Variants in CDS2 observed in about 807,000 individuals in gnomAD.
CDS2 encodes phosphatidate cytidylyltransferase 2.
A neutral mutation model predicts 59.0 loss-of-function variants in CDS2; 47 were observed. The observed-to-expected ratio is 0.80, with a 90% CI of 0.63 to 1.02. CDS2 has a LOEUF of 1.02. Among genes scored for constraint, CDS2 ranks in the 50% least tolerant of loss-of-function variants. The probability of loss-of-function intolerance (pLI) is 0.00; values close to 1 mark genes in which losing one functional copy is unlikely to be tolerated. For synonymous variants in CDS2, 207 were observed against 206.4 expected (o/e 1.00, Z -0.02); for missense variants, 356 against 558.9 (o/e 0.64, Z 3.66).
intron 1 of CDS2, among the ~76,000 whole-genome samples, chr20:5,168,909 C>T (rs1010833681): frequency 1.3e-5 from 2 of 152,246 alleles, no homozygotes; most frequent in African/African-American, 4.8e-5. Context: ...TGTGGGGAAG[C>T]TTCTGGGCAG....
chr20:5,129,365 C>T (rs1402042458), intron 1 of CDS2, among the ~76,000 whole-genome samples: 2 of 152,086 alleles, frequency 1.3e-5, no homozygotes, highest in Admixed American at 1.3e-4. Flanking sequence ...CAACCTCTGC[C>T]TCCCAGGTTC....
chr20:5,130,613 G>C (rs181004054), intron 1 of CDS2, among the ~76,000 whole-genome samples: 1 of 151,396 alleles, frequency 6.6e-6, no homozygotes, highest in African/African-American at 2.4e-5. Flanking sequence ...TAGAAACCCC[G>C]TCTCTACTAA....
chr20:5,142,248 A>G (rs938910456), intron 1 of CDS2, among the ~76,000 whole-genome samples: 1 of 152,090 alleles, frequency 6.6e-6, no homozygotes, highest in Non-Finnish European at 1.5e-5. Flanking sequence ...GGAGTTTGAG[A>G]CCACCCTGGC....
chr20:5,166,105 G>A (rs1387219814), intron 1 of CDS2, among the ~76,000 whole-genome samples: 1 of 152,120 alleles, frequency 6.6e-6, no homozygotes, highest in Admixed American at 6.5e-5. Flanking sequence ...AGCGTAGGTG[G>A]GAGTGGACTC....
intron 1 of CDS2, among the ~76,000 whole-genome samples, chr20:5,132,502 A>G (rs2090615595): frequency 6.6e-6 from 1 of 152,208 alleles, no homozygotes; most frequent in Non-Finnish European, 1.5e-5. Flanking sequence ...CTTCTTTTAT[A>G]ATTAAAAATG....
intron 9 of CDS2, 139 bp downstream of exon 9, chr20:5,185,965 C>A: frequency 3.9e-6 from 3 of 778,066 alleles, no homozygotes; most frequent in Middle Eastern, 7.7e-4. Context: ...CTGAAGAGGG[C>A]CACTGGCCAT....
Position 5,176,656 on chromosome 20 carries a change from C to G in CDS2, c.300C>G (p.Cys100Trp). The G allele has an allele frequency of 6.2e-7, 1 of 1,612,788 alleles. No individual in the cohort carries two copies. Residue 100 changes from cysteine to tryptophan, a missense_variant, in exon 4 of 13, where the codon TGC (cysteine) becomes TGG (tryptophan). Around this residue, in one of 5 missense-constraint regions of CDS2, gnomAD observed 107 missense variants for 129.7 expected, o/e 0.82. Coordinates refer to ENST00000460006, the MANE Select transcript of CDS2 (RefSeq NM_003818.4). Reference protein sequence around the residue: ...GPMVLMIIVMCVQIKCFHEII... With the variant: ...GPMVLMIIVMWVQIKCFHEII... The stretch of plus-strand genomic sequence containing the variant: ...TGTTTTGTGTCCCGCAGGTGATGTG[C>G]GTTCAGATTAAGTGTTTCCATGAGA...
chr20:5,165,516 C>T (rs1035356366), intron 1 of CDS2, among the ~76,000 whole-genome samples: 2 of 151,900 alleles, frequency 1.3e-5, no homozygotes, highest in Admixed American at 6.6e-5. Context: ...GGTCTCGAGG[C>T]GGAGACTATG....
chr20:5,185,005 GAGT>G, intron 8 of CDS2, 60 bp downstream of exon 8: 1 of 1,188,352 alleles, frequency 8.4e-7, no homozygotes, highest in South Asian at 1.2e-5. Context: ...CTCTCAATGT[GAGT>G]AGATCAGCCT....
intron 1 of CDS2, among the ~76,000 whole-genome samples, chr20:5,163,787 CTTTCTTT>C (rs1220280440): frequency 3.5e-5 from 4 of 115,886 alleles, no homozygotes; most frequent in Admixed American, 2.5e-4. Flanking sequence ...TAATTTCTTT[CTTTCTTT>C]TTTTTTTTTT....
Position 5,195,793 on chromosome 20 carries a change from C to T in CDS2, c.*5559C>T, listed in dbSNP as rs181883591. The T allele has an allele frequency of 1.3e-5, 2 of 152,198 alleles. No homozygotes were observed. The highest frequency in any genetic ancestry group is 2.4e-5 in the African/African-American group (1 of 41,510). The allele number at this position is 152,198 out of a possible 1,614,324, so 9.4% of individuals were successfully genotyped here. A position where few individuals can be genotyped will look rare whatever the true frequency, so the allele number is the denominator to read the frequency against. ...CATGTTTCCTTCTAAAAGTAGTAAC[C>T]GGGTAGAAGTGGGTGACCCATTGAG... On this transcript the variant is annotated 3_prime_UTR_variant, in exon 13 of 13. Coordinates refer to ENST00000460006, the MANE Select transcript of CDS2 (RefSeq NM_003818.4).
chr20:5,142,285 A>G (rs903711485), intron 1 of CDS2, among the ~76,000 whole-genome samples: 1 of 152,070 alleles, frequency 6.6e-6, no homozygotes, highest in African/African-American at 2.4e-5. Context: ...CATCTCTACT[A>G]AAAATAGAAA....
In CDS2 at chr20:5,149,507, G is replaced by A. The variant is rs369374185; in HGVS notation, c.57+22358G>A. ...CCTTTGTTTCTGCTTGTGATGACAT[G>A]CTTAGAAGGGCCTTAGTCCTCCTCT... On this transcript the variant is annotated intron_variant, in intron 1 of 12. Transcript: ENST00000460006. 6.6e-5 allele frequency among the ~76,000 whole-genome samples: 10 copies of A among 152,084 alleles called. No individual in the cohort carries two copies. In the East Asian group the frequency reaches 1.7e-3, roughly 27 times the overall value.
intron 1 of CDS2, among the ~76,000 whole-genome samples, chr20:5,145,800 A>G (rs999756710): frequency 1.4e-5 from 2 of 147,582 alleles, no homozygotes; most frequent in Non-Finnish European, 3.0e-5. Context: ...GGAAGTTCCA[A>G]GTTGTGTGTT....
intron 1 of CDS2, among the ~76,000 whole-genome samples, chr20:5,132,729 A>G (rs778352890): frequency 2.6e-5 from 4 of 152,138 alleles, no homozygotes; most frequent in African/African-American, 4.8e-5. Flanking sequence ...CAATTATTTT[A>G]TGTTTCTTAT....
intron 1 of CDS2, among the ~76,000 whole-genome samples, chr20:5,150,985 C>T (rs752462851): frequency 1.3e-5 from 2 of 152,212 alleles, no homozygotes; most frequent in African/African-American, 2.4e-5. Context: ...GAACTCCTTG[C>T]TGGTCAGACC....
chr20:5,155,070 C>T (rs2090822952), intron 1 of CDS2, among the ~76,000 whole-genome samples: 2 of 152,230 alleles, frequency 1.3e-5, no homozygotes, highest in African/African-American at 4.8e-5. Flanking sequence ...AGTTTTTACT[C>T]TGCCTACTTA....
At chr20:5,187,479 A>C (rs545308322) in intron 10 of CDS2, 1 of 152,328 alleles carries the variant, frequency 6.6e-6, no homozygotes, top group South Asian at 2.1e-4. Flanking sequence ...TTTTTTAGAA[A>C]AGAAAGTAAA....
intron 1 of CDS2, among the ~76,000 whole-genome samples, chr20:5,168,418 A>C (rs6116671): frequency 0.41 from 54,563 of 132,374 alleles, 10,511 homozygotes; most frequent in South Asian, 0.5. Context: ...CTGTCCCCCC[A>C]AAAAAAAAAA....
Sources: gnomAD v4.1 joint callset for allele counts (sites outside exome capture counted in the v4.1 genomes callset) on GRCh38, gnomAD v4.1.1 for gene constraint, gnomAD v4.1.1 regional missense constraint, MANE v1.5 for transcripts, NCBI Gene and HGNC (gene_info 2026-07-23, HGNC 2026-07-21) for gene names.